The following SYNPR variants were observed in gnomAD, a reference collection of about 807,000 sequenced individuals.
SYNPR encodes synaptoporin.
Under a neutral mutation model 32.9 loss-of-function variants are expected in SYNPR, and 23 were observed. That is an observed-to-expected ratio of 0.70 (90% CI 0.50 to 0.99). SYNPR has a LOEUF of 0.99. SYNPR is among the 50% of genes least tolerant of loss of function. SYNPR has a pLI of 0.00. For missense variants in SYNPR, 318 were observed against 349.3 expected, an observed-to-expected ratio of 0.91 and a Z score of 0.71; for synonymous variants, 146 against 135.9, an observed-to-expected ratio of 1.07 and a Z score of -0.52.
intron 2 of SYNPR, among the ~76,000 whole-genome samples, chr3:63,286,498 G>A (rs1161201078): frequency 6.6e-6 from 1 of 152,186 alleles, no homozygotes; most frequent in Admixed American, 6.5e-5. Flanking sequence ...AGAAACTGGG[G>A]AAAACCCTGG....
intron 2 of SYNPR, chr3:63,289,590 G>A (rs183711394): frequency 4.6e-5 from 7 of 152,264 alleles, no homozygotes; most frequent in Admixed American, 2.6e-4. Flanking sequence ...CCCCTAGGGA[G>A]GGCACTAATC....
At chr3:63,284,053 C>T (rs932500512) in intron 2 of SYNPR, among the ~76,000 whole-genome samples, 5 of 152,176 alleles carry the variant, frequency 3.3e-5, no homozygotes, top group Admixed American at 6.5e-5. Flanking sequence ...CGTGATCTGC[C>T]GGCCTCGGCC....
chr3:63,495,818 T>C (rs1435811049), intron 3 of SYNPR, among the ~76,000 whole-genome samples: 1 of 152,078 alleles, frequency 6.6e-6, no homozygotes, highest in East Asian at 1.9e-4. Flanking sequence ...GAATGAATAA[T>C]TGGAGCACAG....
chr3:63,243,062 A>C (rs933139161), intron 1 of SYNPR, among the ~76,000 whole-genome samples: 4 of 152,100 alleles, frequency 2.6e-5, no homozygotes, highest in Admixed American at 2.6e-4. Context: ...AGGGAAGTTA[A>C]GGCAGAAAAT....
At chr3:63,369,515 A>G (rs1240366949) in intron 2 of SYNPR, among the ~76,000 whole-genome samples, 1 of 152,216 alleles carries the variant, frequency 6.6e-6, no homozygotes, top group Non-Finnish European at 1.5e-5. Flanking sequence ...AAGCTATGTG[A>G]TATTTCTTTA....
At chr3:63,493,275 T>C (rs1292902277) in intron 3 of SYNPR, among the ~76,000 whole-genome samples, 2 of 151,994 alleles carry the variant, frequency 1.3e-5, no homozygotes, top group Admixed American at 6.6e-5. Context: ...ACAGAGAGGA[T>C]TGGCAAGTAT....
chr3:63,391,658 C>T (rs2088138295), intron 2 of SYNPR, among the ~76,000 whole-genome samples: 1 of 152,090 alleles, frequency 6.6e-6, no homozygotes, highest in Non-Finnish European at 1.5e-5. Flanking sequence ...CTATTGATGA[C>T]AACCCTATAA....
intron 2 of SYNPR, among the ~76,000 whole-genome samples, chr3:63,261,848 A>G (rs2086440792): frequency 6.6e-6 from 1 of 151,656 alleles, no homozygotes; most frequent in African/African-American, 2.4e-5. Flanking sequence ...GGACATAGGA[A>G]GGGGAACATC....
Position 63,255,114 on chromosome 3 carries a change from A to T in SYNPR, n.154+2528A>T, listed in dbSNP as rs187195693. 3.3e-5 allele frequency among the ~76,000 whole-genome samples: 5 copies of T among 152,274 alleles called. No individual in the cohort carries two copies. In the East Asian group the frequency reaches 9.7e-4, roughly 29 times the overall value. ...TTTACCCACTGGGTGATAGTAGCAC[A>T]CCTTCCCCTGTCGTGACAAACAAAC... On this transcript the variant is annotated intron_variant and non_coding_transcript_variant, in intron 2 of 4. Transcript: ENST00000478456.
intron 4 of SYNPR, among the ~76,000 whole-genome samples, chr3:63,579,139 T>G (rs1020771403): frequency 6.6e-6 from 1 of 152,138 alleles, no homozygotes; most frequent in African/African-American, 2.4e-5. Context: ...GGGCAATATA[T>G]GTATATTTGT....
chr3:63,478,427 A>G (rs536348823), intron 2 of SYNPR, among the ~76,000 whole-genome samples: 4 of 152,310 alleles, frequency 2.6e-5, no homozygotes, highest in African/African-American at 9.6e-5. Flanking sequence ...TTATTCTACC[A>G]TATCTTTCCT....
intron 2 of SYNPR, among the ~76,000 whole-genome samples, chr3:63,389,282 C>A (rs2088098751): frequency 6.6e-6 from 1 of 151,718 alleles, no homozygotes; most frequent in Non-Finnish European, 1.5e-5. Flanking sequence ...ATAAAAAATA[C>A]CAAAACCAAC....
intron 3 of SYNPR, among the ~76,000 whole-genome samples, chr3:63,554,272 T>C (rs1287119019): frequency 1.3e-5 from 2 of 152,248 alleles, no homozygotes; most frequent in African/African-American, 4.8e-5. Flanking sequence ...TTTTGGGGAC[T>C]TAGCCAAAAA....
chr3:63,434,151 C>T (rs572454658), intron 2 of SYNPR, among the ~76,000 whole-genome samples: 14 of 152,314 alleles, frequency 9.2e-5, no homozygotes, highest in Admixed American at 2.6e-4. Flanking sequence ...TTCCTACCCA[C>T]GCCTTATTTT....
rs575979689 is a variant in SYNPR at position 63,396,486 on chromosome 3, T to C, written c.85-84346T>C. Among the ~76,000 whole-genome samples, 6 of 152,246 alleles carry C rather than the reference T, an allele frequency of 3.9e-5. No individual in the cohort carries two copies. In the East Asian group the frequency reaches 7.7e-4, roughly 20 times the overall value. ...TCAGTATCCCTTTCAGAAATAGTAT[T>C]AGTTCAGGTATCACCTCTTTTTTAG... On this transcript the variant is annotated intron_variant, in intron 2 of 5. Coordinates refer to ENST00000478300, the MANE Select transcript of SYNPR (RefSeq NM_001130003.2).
At chr3:63,225,379 G>A (rs1238101943), upstream of SYNPR, among the ~76,000 whole-genome samples, 2 of 152,174 alleles carry the variant, frequency 1.3e-5, no homozygotes, top group Non-Finnish European at 2.9e-5. Context: ...TTTACCAACA[G>A]TGGAGAGATT....
chr3:63,449,500 A>G (rs982728182), intron 2 of SYNPR, among the ~76,000 whole-genome samples: 1 of 152,188 alleles, frequency 6.6e-6, no homozygotes, highest in Non-Finnish European at 1.5e-5. Context: ...ACTATGTGTC[A>G]GTAGCAATCT....
At chr3:63,211,349 G>A in the SYNPR span, among the ~76,000 whole-genome samples, 1 of 152,146 alleles carries the variant, frequency 6.6e-6, no homozygotes, top group Non-Finnish European at 1.5e-5. Flanking sequence ...TTACAGGCAT[G>A]AGCCACCGTG....
At chr3:63,338,331 T>A (rs1192538816) in intron 2 of SYNPR, among the ~76,000 whole-genome samples, 1 of 152,158 alleles carries the variant, frequency 6.6e-6, no homozygotes, top group Non-Finnish European at 1.5e-5. Context: ...GAATTAAAAG[T>A]AGTGGGAAGT....
Sources: allele counts gnomAD v4.1 joint callset (sites outside exome capture counted in the v4.1 genomes callset), GRCh38; gene constraint gnomAD v4.1.1; transcripts MANE v1.5; gene names NCBI Gene and HGNC (gene_info 2026-07-23, HGNC 2026-07-21).